The following KCNQ2 variants were observed in gnomAD, a reference collection of about 807,000 sequenced individuals.
KCNQ2 encodes the protein potassium voltage-gated channel subfamily Q member 2, also known as potassium voltage-gated channel subfamily KQT member 2.
In KCNQ2, 14 loss-of-function variants were observed where a neutral mutation model predicts 84.8. That is an observed-to-expected ratio of 0.17 (90% CI 0.11 to 0.26). The LOEUF (loss-of-function observed/expected upper bound fraction) is 0.26, where lower values mean the gene tolerates loss of function less well. Ranked by LOEUF, KCNQ2 falls within the 10% of genes least tolerant of loss-of-function variation. The pLI, the probability that KCNQ2 is intolerant of heterozygous loss-of-function variation, is 1.00. For synonymous variants in KCNQ2, 599 were observed against 554.1 expected, an observed-to-expected ratio of 1.08 and a Z score of -1.14; for missense variants, 788 against 1,254.0, an observed-to-expected ratio of 0.63 and a Z score of 5.61.
chr20:63,429,761 A>T (rs1241578047), intron 9 of KCNQ2, among the ~76,000 whole-genome samples: 3 of 152,096 alleles, frequency 2.0e-5, no homozygotes, highest in African/African-American at 7.2e-5. Context: ...TCCTCCCTCC[A>T]GAGCTGTCCA....
rs1321380902 is a variant in KCNQ2 at position 63,414,275 on chromosome 20, A to C, written c.1526-82T>G. Reference sequence around the variant, plus strand: ...GGGTCCTGCAGGGCACACCGGCTAGACAGAGCGCCAGGGAGCCCCTCGAGG... The same window carrying C: ...GGGTCCTGCAGGGCACACCGGCTAGCCAGAGCGCCAGGGAGCCCCTCGAGG... On this transcript the variant is annotated intron_variant, in intron 13 of 16. Coordinates refer to ENST00000359125, the MANE Select transcript of KCNQ2 (RefSeq NM_172107.4). This position sits in a 1 kb window ranked among gnomAD's most constrained non-coding sequence, Gnocchi z 6.6. 2.3e-5 allele frequency: 24 copies of C among 1,038,126 alleles called. No individual in the cohort carries two copies. The highest frequency in any genetic ancestry group is 2.0e-4 in the East Asian group (8 of 40,042). 64.3% of individuals were successfully genotyped at this position (1,038,126 alleles called of 1,614,324 possible).
At chr20:63,416,367 G>A (rs928047913) in intron 12 of KCNQ2, among the ~76,000 whole-genome samples, 2 of 152,222 alleles carry the variant, frequency 1.3e-5, no homozygotes, top group Non-Finnish European at 2.9e-5. Flanking sequence ...TCCGCCGGGC[G>A]ACAGTGAGGG....
Position 63,401,820 on chromosome 20 carries a change from C to A in KCNQ2, c.*4824G>T. On this transcript the variant is annotated 3_prime_UTR_variant, in exon 17 of 17. Transcript: ENST00000359125. ...TCCAAGCCTCGTGAGCTGTCCCTCT[C>A]ACACCACGTCTGCTGGGCACCCTCC... 1 of 204,724 alleles carries A rather than the reference C, an allele frequency of 4.9e-6. No homozygotes were observed. The highest frequency in any genetic ancestry group is 1.0e-5 in the Non-Finnish European group (1 of 99,360). The allele number at this position is 204,724 out of a possible 1,614,324, so 12.7% of individuals were successfully genotyped here.
chr20:63,446,664 G>C lies in KCNQ2; in HGVS notation c.387+83C>G, dbSNP rs2081435353. ...GGCTGGGGGCGTCAGAGGCCCTGTA[G>C]TAACAGGAACGGAAGACAGACGCCC... is the stretch of plus-strand genomic sequence containing the variant. On this transcript the variant is annotated intron_variant, in intron 2 of 16. Coordinates refer to ENST00000359125, the MANE Select transcript of KCNQ2 (RefSeq NM_172107.4). The surrounding 1 kb of genome is among the most constrained non-coding windows in gnomAD (Gnocchi z 5.5). 1 of 1,182,564 alleles carries C rather than the reference G, an allele frequency of 8.5e-7. No homozygotes were observed. Among genetic ancestry groups the C allele is most frequent in the East Asian group, 2.4e-5 (1 of 42,524 alleles). The allele number at this position is 1,182,564 out of a possible 1,614,324, so 73.3% of individuals were successfully genotyped here. A position where few individuals can be genotyped will look rare whatever the true frequency, so the allele number is the denominator to read the frequency against.
At chr20:63,443,385 C>CCACCAT (rs2081307829) in intron 4 of KCNQ2, among the ~76,000 whole-genome samples, 1 of 63,720 alleles carries the variant, frequency 1.6e-5, no homozygotes. Context: ...ACCATCATCA[C>CCACCAT]CACCACCATC....
At chr20:63,417,729 A>G (rs2080338633) in intron 12 of KCNQ2, among the ~76,000 whole-genome samples, 1 of 152,200 alleles carries the variant, frequency 6.6e-6, no homozygotes, top group South Asian at 2.1e-4. Flanking sequence ...TGGATTCCAC[A>G]GGCCCCAGGA....
Position 63,442,857 on chromosome 20 carries a change from C to T in KCNQ2, c.691-326G>A, listed in dbSNP as rs200484615. On this transcript the variant is annotated intron_variant, in intron 4 of 16. Transcript: ENST00000359125. Reference sequence around the variant, plus strand: ...ACCACCACCACCATCACCATCACCACCACCATCACCATCACCATTATCACC... The same window carrying T: ...ACCACCACCACCATCACCATCACCATCACCATCACCATCACCATTATCACC... Among the ~76,000 whole-genome samples, 6,714 of 24,150 alleles carry T rather than the reference C, an allele frequency of 0.28. 55 individuals carry two copies. The highest frequency in any genetic ancestry group is 0.32 in the Non-Finnish European group (4,034 of 12,616). The allele number at this position is 24,150 out of a possible 152,430, so 15.8% of individuals were successfully genotyped here. A position where few individuals can be genotyped will look rare whatever the true frequency, so the allele number is the denominator to read the frequency against.
At chr20:63,464,654 G>A (rs1267649121) in intron 1 of KCNQ2, among the ~76,000 whole-genome samples, 1 of 152,192 alleles carries the variant, frequency 6.6e-6, no homozygotes, top group Non-Finnish European at 1.5e-5. Context: ...GCTGGAACAG[G>A]GCCATGGCCC....
At chr20:63,444,872 GCTCCCCGCACCCCCTTGGAGAAAA>G (rs771569122) in intron 3 of KCNQ2, 38 bp from the exon 4 acceptor site, 1 of 1,546,526 alleles carries the variant, frequency 6.5e-7, no homozygotes, top group Non-Finnish European at 8.8e-7. Context: ...CTGCTGGGCC[GCTCCCCGCACCCCCTTGGAGAAAA>G]CTCCCCACCC....
At position 63,442,651 on chromosome 20, in the gene KCNQ2, CA is replaced by C; in HGVS notation, c.691-121del. ...CCACCATCACCACCACCAAAACCAT[CA>C]CCACCACCATCACCACCACCACCAC... is the stretch of plus-strand genomic sequence containing the variant. On this transcript the variant is annotated intron_variant, in intron 4 of 16. Transcript: ENST00000359125. The C allele has an allele frequency of 3.2e-5, 13 of 404,448 alleles. 1 individual carries two copies. The highest frequency in any genetic ancestry group is 5.6e-5 in the East Asian group (1 of 17,752). The allele number at this position is 404,448 out of a possible 1,614,324, so 25.1% of individuals were successfully genotyped here. A position where few individuals can be genotyped will look rare whatever the true frequency, so the allele number is the denominator to read the frequency against.
chr20:63,447,680 C>T (rs1026101460), intron 1 of KCNQ2, among the ~76,000 whole-genome samples: 67 of 152,160 alleles, frequency 4.4e-4, no homozygotes, highest in African/African-American at 1.3e-3. Context: ...CTGCAACCTC[C>T]GCCTCCCGGG....
In KCNQ2 at chr20:63,414,073, G is replaced by A. The variant is rs201548908; in HGVS notation, c.1631+15C>T. 4 of 1,599,786 alleles carry A rather than the reference G, an allele frequency of 2.5e-6. No individual in the cohort carries two copies. In the South Asian group the frequency reaches 3.3e-5, roughly 13 times the overall value. ...TCCTCACTCCCCCAGGCTCCCGGCT[G>A]GGCAGGGGCCTCACCACACGGCTCT... On this transcript the variant is annotated intron_variant, in intron 14 of 16. Transcript: ENST00000359125. The surrounding 1 kb of genome is among the most constrained non-coding windows in gnomAD (Gnocchi z 6.6).
intron 1 of KCNQ2, among the ~76,000 whole-genome samples, chr20:63,470,192 C>T (rs978927345): frequency 1.3e-5 from 2 of 152,194 alleles, no homozygotes; most frequent in Non-Finnish European, 2.9e-5. Flanking sequence ...TCCCTGAGTC[C>T]AAGCCACCCC....
At chr20:63,458,026 G>A (rs768162882) in intron 1 of KCNQ2, among the ~76,000 whole-genome samples, 3 of 152,064 alleles carry the variant, frequency 2.0e-5, no homozygotes, top group South Asian at 2.1e-4. Context: ...AGACCCAGCC[G>A]GTGCACCAAG....
chr20:63,444,381 TGG>T (rs1271435602), intron 4 of KCNQ2, among the ~76,000 whole-genome samples: 1 of 150,800 alleles, frequency 6.6e-6, no homozygotes, highest in East Asian at 2.0e-4. Context: ...GGCAGGAAGG[TGG>T]GGGTGGCAGG....
chr20:63,439,330 G>A (rs1014337341), intron 6 of KCNQ2, among the ~76,000 whole-genome samples: 4 of 152,228 alleles, frequency 2.6e-5, no homozygotes, highest in African/African-American at 7.2e-5. Context: ...ACTAAGAGGG[G>A]CCACCAGTGA....
At chr20:63,437,031 A>G (rs1239300522) in intron 7 of KCNQ2, among the ~76,000 whole-genome samples, 2 of 152,206 alleles carry the variant, frequency 1.3e-5, no homozygotes, top group Admixed American at 1.3e-4. Context: ...TGCCTGCCTC[A>G]GCCTCCTAAA....
intron 1 of KCNQ2, chr20:63,459,033 A>G (rs544094391): frequency 6.6e-6 from 1 of 152,352 alleles, no homozygotes; most frequent in East Asian, 1.9e-4. Context: ...ACGCAACCCA[A>G]CATCCAGTTG....
chr20:63,418,770 A>G (rs1210576802), intron 12 of KCNQ2, among the ~76,000 whole-genome samples: 1 of 152,178 alleles, frequency 6.6e-6, no homozygotes, highest in Non-Finnish European at 1.5e-5. Context: ...GAAGCACACA[A>G]GCAGCAAAGT....
Sources: allele counts gnomAD v4.1 joint callset (sites outside exome capture counted in the v4.1 genomes callset), GRCh38; gene constraint gnomAD v4.1.1; non-coding constraint Gnocchi (gnomAD v3.1); transcripts MANE v1.5; gene names NCBI Gene and HGNC (gene_info 2026-07-23, HGNC 2026-07-21).